KCNQ1: variants seen among roughly 807,000 people sequenced by gnomAD.
The protein encoded by KCNQ1 is potassium voltage-gated channel subfamily KQT member 1.
In KCNQ1, 49 loss-of-function variants were observed where a neutral mutation model predicts 72.4. The ratio of observed to expected loss-of-function variants is 0.68; its 90% CI spans 0.54 to 0.86. The LOEUF (loss-of-function observed/expected upper bound fraction) is 0.86. Ranked by LOEUF, KCNQ1 falls within the 40% of genes least tolerant of loss-of-function variation. The pLI is 0.00. For missense variants in KCNQ1, 790 were observed against 945.1 expected, an observed-to-expected ratio of 0.84 and a Z score of 2.15; for synonymous variants, 450 against 412.6, an observed-to-expected ratio of 1.09 and a Z score of -1.10.
At chr11:2,578,474 C>T (rs935586935) in intron 6 of KCNQ1, among the ~76,000 whole-genome samples, 1 of 152,246 alleles carries the variant, frequency 6.6e-6, no homozygotes, top group Non-Finnish European at 1.5e-5. Flanking sequence ...TCTGTGTGCT[C>T]AGCCTACTGG....
rs1227434385 is a variant in KCNQ1 at position 2,464,090 on chromosome 11, C to T, written c.386+18606C>T. On this transcript the variant is annotated intron_variant, in intron 1 of 15. Coordinates refer to ENST00000155840, the MANE Select transcript of KCNQ1 (RefSeq NM_000218.3). This position sits in a 1 kb window ranked among gnomAD's most constrained non-coding sequence, Gnocchi z 5.0. ...AGGGCCGGGATGTTTGCAGGACCCACGGGACAATTAGAACGACTGGGCCTG... is the reference window on the plus strand; with the variant it reads ...AGGGCCGGGATGTTTGCAGGACCCATGGGACAATTAGAACGACTGGGCCTG... 6.6e-6 allele frequency among the ~76,000 whole-genome samples: 1 copy of T among 152,158 alleles called. No individual in the cohort carries two copies. Among genetic ancestry groups the T allele is most frequent in the Non-Finnish European group, 1.5e-5 (1 of 68,034 alleles).
Position 2,626,613 on chromosome 11 carries a change from C to T in KCNQ1, c.1394-35348C>T, listed in dbSNP as rs1197569070. Reference sequence around the variant, plus strand: ...GCATTATCACTGCTTACTGCCACCTCAATCTCCCAGGCTCAAGCAATCCTC... The same window carrying T: ...GCATTATCACTGCTTACTGCCACCTTAATCTCCCAGGCTCAAGCAATCCTC... On this transcript the variant is annotated intron_variant, in intron 10 of 15. Transcript: ENST00000155840. The surrounding 1 kb of genome is among the most constrained non-coding windows in gnomAD (Gnocchi z 4.0). The T allele has an allele frequency of 5.0e-6, 2 of 398,632 alleles. No homozygotes were observed. The highest frequency in any genetic ancestry group is 8.8e-6 in the Non-Finnish European group (2 of 226,094). The allele number at this position is 398,632 out of a possible 1,614,324, so 24.7% of individuals were successfully genotyped here.
rs1849591436 is a variant in KCNQ1 at position 2,642,231 on chromosome 11, TA to T, written c.1394-19728del. Reference sequence around the variant, plus strand: ...GGTAGTATGGTCATTTTAATTTTGTTAATTCTCCCAATCCATGAGAATGGGA... The same window carrying T: ...GGTAGTATGGTCATTTTAATTTTGTTATTCTCCCAATCCATGAGAATGGGA... On this transcript the variant is annotated intron_variant, in intron 10 of 15. Coordinates refer to ENST00000155840, the MANE Select transcript of KCNQ1 (RefSeq NM_000218.3). This position sits in a 1 kb window ranked among gnomAD's most constrained non-coding sequence, Gnocchi z 4.3. 1 of 398,334 alleles carries T rather than the reference TA, an allele frequency of 2.5e-6. No individual in the cohort carries two copies. Among genetic ancestry groups the T allele is most frequent in the African/African-American group, 2.1e-5 (1 of 48,628 alleles). 24.7% of individuals were successfully genotyped at this position (398,334 alleles called of 1,614,324 possible). A position where few individuals can be genotyped will look rare whatever the true frequency, so the allele number is the denominator to read the frequency against.
chr11:2,791,364 A>T lies in KCNQ1; in HGVS notation c.1794+13327A>T, dbSNP rs1301738446. On this transcript the variant is annotated intron_variant, in intron 15 of 15. Transcript: ENST00000155840. Reference sequence around the variant, plus strand: ...GGTGCGGAGCCTTGTCTGTGCGGCAAACCCTGCCTGGCTGCCCTGGCCAAC... The same window carrying T: ...GGTGCGGAGCCTTGTCTGTGCGGCATACCCTGCCTGGCTGCCCTGGCCAAC... Among the ~76,000 whole-genome samples the T allele has an allele frequency of 2.6e-5, 4 of 152,174 alleles. No homozygotes were observed. In the South Asian group the frequency reaches 8.3e-4, roughly 32 times the overall value.
chr11:2,690,254 T>G lies in KCNQ1; in HGVS notation c.1514+28173T>G, dbSNP rs1313052236. ...AGCAAGTCATTCCATGTGGCTGAGC[T>G]GCTCCTTGCTGCATCTGCACATATG... is the stretch of plus-strand genomic sequence containing the variant. On this transcript the variant is annotated intron_variant, in intron 11 of 15. Coordinates refer to ENST00000155840, the MANE Select transcript of KCNQ1 (RefSeq NM_000218.3). This position sits in a 1 kb window ranked among gnomAD's most constrained non-coding sequence, Gnocchi z 5.1. The G allele has an allele frequency of 7.5e-6, 3 of 398,686 alleles. No individual in the cohort carries two copies. The highest frequency in any genetic ancestry group is 1.3e-5 in the Non-Finnish European group (3 of 226,192). The allele number at this position is 398,686 out of a possible 1,614,324, so 24.7% of individuals were successfully genotyped here. A position where few individuals can be genotyped will look rare whatever the true frequency, so the allele number is the denominator to read the frequency against.
Position 2,601,443 on chromosome 11 carries a change from C to T in KCNQ1, c.1393+12589C>T, listed in dbSNP as rs539923745. ...TCCCATGCACCCTTTAGTTAGTTTC[C>T]GTCAGTGGTAGCATCTTCTAAAACC... is the stretch of plus-strand genomic sequence containing the variant. On this transcript the variant is annotated intron_variant, in intron 10 of 15. Transcript: ENST00000155840. This position sits in a 1 kb window ranked among gnomAD's most constrained non-coding sequence, Gnocchi z 5.2. Among the ~76,000 whole-genome samples the T allele has an allele frequency of 9.9e-5, 15 of 152,244 alleles. No individual in the cohort carries two copies. In the South Asian group the frequency reaches 1.7e-3, roughly 17 times the overall value.
intron 15 of KCNQ1, among the ~76,000 whole-genome samples, chr11:2,804,766 C>G (rs1468510490): frequency 6.6e-6 from 1 of 152,200 alleles, no homozygotes; most frequent in East Asian, 1.9e-4. Flanking sequence ...TTCCCCTGCG[C>G]CCACACCCAG....
intron 10 of KCNQ1, chr11:2,609,677 T>G: frequency 2.5e-6 from 1 of 398,386 alleles, no homozygotes; most frequent in Non-Finnish European, 4.4e-6. Context: ...TTCTGTCAGT[T>G]TTTGCTTCTT....
rs140387964 is a variant in KCNQ1 at position 2,687,233 on chromosome 11, C to T, written c.1514+25152C>T. On this transcript the variant is annotated intron_variant, in intron 11 of 15. Coordinates refer to ENST00000155840, the MANE Select transcript of KCNQ1 (RefSeq NM_000218.3). The surrounding 1 kb of genome is among the most constrained non-coding windows in gnomAD (Gnocchi z 5.0). Reference sequence around the variant, plus strand: ...TGTTGGGAAATGTGCAATTTTCACTCAGCCAGCATCACTACCAGCTCCGGG... The same window carrying T: ...TGTTGGGAAATGTGCAATTTTCACTTAGCCAGCATCACTACCAGCTCCGGG... 700 of 398,656 alleles carry T rather than the reference C, an allele frequency of 1.8e-3. 14 individuals carry two copies. The East Asian group carries it at 0.023, about 13-fold the overall frequency. 24.7% of individuals were successfully genotyped at this position (398,656 alleles called of 1,614,324 possible). A position where few individuals can be genotyped will look rare whatever the true frequency, so the allele number is the denominator to read the frequency against.
At chr11:2,662,145 TG>T in intron 11 of KCNQ1, 64 bp downstream of exon 11, 2 of 1,608,004 alleles carry the variant, frequency 1.2e-6, no homozygotes, top group Non-Finnish European at 8.5e-7. Context: ...GAGTCAGACT[TG>T]GTGCTGGGGA....
chr11:2,561,216 GA>G (rs956329782), intron 2 of KCNQ1, among the ~76,000 whole-genome samples: 1 of 148,738 alleles, frequency 6.7e-6, no homozygotes, highest in African/African-American at 2.5e-5. Flanking sequence ...AAAAAAAAAA[GA>G]AAAAAAGAAA....
intron 15 of KCNQ1, chr11:2,839,708 T>C (rs1848162180): frequency 6.6e-6 from 1 of 152,224 alleles, no homozygotes; most frequent in South Asian, 2.1e-4. Context: ...ACTTTGTTGT[T>C]TGCTCAGAGT....
chr11:2,524,889 G>A (rs977629015), intron 1 of KCNQ1, among the ~76,000 whole-genome samples: 9 of 152,192 alleles, frequency 5.9e-5, no homozygotes. Context: ...GCACGCCGTG[G>A]GCCTGGGGAG....
chr11:2,650,762 A>T (rs1229240644), intron 10 of KCNQ1: 1 of 398,510 alleles, frequency 2.5e-6, no homozygotes, highest in African/African-American at 2.1e-5. Flanking sequence ...CCCACAGGCA[A>T]TTTGAAGGTA....
intron 11 of KCNQ1, chr11:2,666,006 C>T (rs539426380): frequency 1.0e-4 from 40 of 398,734 alleles, no homozygotes; most frequent in South Asian, 6.4e-4. Context: ...GGAATTCACA[C>T]GTCTGCCCCA....
intron 10 of KCNQ1, chr11:2,635,773 C>A (rs1036801692): frequency 2.0e-5 from 3 of 152,104 alleles, no homozygotes; most frequent in Non-Finnish European, 4.4e-5. Context: ...TTACCTTGGG[C>A]AGTATGGCCA....
chr11:2,680,197 T>C (rs1850368433), intron 11 of KCNQ1: 3 of 387,614 alleles, frequency 7.7e-6, no homozygotes, highest in Non-Finnish European at 1.3e-5. Flanking sequence ...TGGCCTCAGC[T>C]TGCCTAATTA....
chr11:2,776,780 C>T (rs555544685), intron 13 of KCNQ1, among the ~76,000 whole-genome samples: 3 of 152,224 alleles, frequency 2.0e-5, no homozygotes, highest in Non-Finnish European at 4.4e-5. Context: ...TCCCCCTTTC[C>T]GAGATCCCTG....
In KCNQ1 at chr11:2,658,371, T is replaced by C; in HGVS notation, c.1394-3590T>C. ...ATCAGTGTGGATTTGGGAGTATTTA[T>C]TTTTTGAGTTATAGTCCAATATTAT... On this transcript the variant is annotated intron_variant, in intron 10 of 15. Transcript: ENST00000155840. This position sits in a 1 kb window ranked among gnomAD's most constrained non-coding sequence, Gnocchi z 4.9. The C allele has an allele frequency of 5.0e-6, 2 of 398,618 alleles. No individual in the cohort carries two copies. Among genetic ancestry groups the C allele is most frequent in the Non-Finnish European group, 8.8e-6 (2 of 226,048 alleles). 24.7% of individuals were successfully genotyped at this position (398,618 alleles called of 1,614,324 possible). A position where few individuals can be genotyped will look rare whatever the true frequency, so the allele number is the denominator to read the frequency against.
Sources: allele counts gnomAD v4.1 joint callset (sites outside exome capture counted in the v4.1 genomes callset), GRCh38; gene constraint gnomAD v4.1.1; non-coding constraint Gnocchi (gnomAD v3.1); transcripts MANE v1.5; gene names NCBI Gene and HGNC (gene_info 2026-07-23, HGNC 2026-07-21).